SLC2A6: variants seen among roughly 807,000 people sequenced by gnomAD.
SLC2A6 encodes solute carrier family 2, facilitated glucose transporter member 6.
SLC2A6 carries 39 observed loss-of-function variants against 47.8 expected under a neutral mutation model. That is an observed-to-expected ratio of 0.82 (90% CI 0.63 to 1.07). The LOEUF (loss-of-function observed/expected upper bound fraction) is 1.07. Ranked by LOEUF, SLC2A6 falls within the 50% of genes least tolerant of loss-of-function variation. The probability of loss-of-function intolerance (pLI) is 0.00; values close to 1 mark genes in which losing one functional copy is unlikely to be tolerated. For missense variants in SLC2A6, 650 were observed against 707.6 expected (o/e 0.92, Z 0.92); for synonymous variants, 346 against 324.1 (o/e 1.07, Z -0.73).
At chr9:133,474,217 G>T in intron 6 of SLC2A6, 129 bp from the exon 7 acceptor site, 1 of 650,674 alleles carries the variant, frequency 1.5e-6, no homozygotes, top group South Asian at 2.1e-5. Context: ...GAGTGGCCTG[G>T]CACCTGCAGC....
Position 133,473,256 on chromosome 9 carries a change from CGGA to C in SLC2A6, c.1223-9_1223-7del. ...ACCCCAGCCCACGGCGTAGCCTGCT[CGGA>C]GGAGGAGGCAGGTTCAGGCCCTGTG... is the stretch of plus-strand genomic sequence containing the variant. On this transcript the variant is annotated splice_region_variant and splice_polypyrimidine_tract_variant and intron_variant, in intron 8 of 9. Transcript: ENST00000371899. 6.4e-7 allele frequency: 1 copy of C among 1,566,760 alleles called. No homozygotes were observed. The highest frequency in any genetic ancestry group is 8.6e-7 in the Non-Finnish European group (1 of 1,156,486).
At chr9:133,478,156 ACCC>A (rs769359296) in intron 2 of SLC2A6, 95 bp downstream of exon 2, 16 of 1,340,736 alleles carry the variant, frequency 1.2e-5, no homozygotes, top group Non-Finnish European at 1.7e-5. Flanking sequence ...CCCTGGAGGG[ACCC>A]CCAAGGTGGA....
chr9:133,473,210 C>T lies in SLC2A6; in HGVS notation c.1263G>A (p.Met421Ile), dbSNP rs1843799918. Reference sequence around the variant, plus strand: ...GGGCACGCAGGGGCAGGACCTCAGACATGAGCAGCCAGGTGATGGGACCCC... The same window carrying T: ...GGGCACGCAGGGGCAGGACCTCAGATATGAGCAGCCAGGTGATGGGACCCC... ...VGWGPITWLLMSEVLPLRARG... is the reference protein window; with the variant it reads ...VGWGPITWLLISEVLPLRARG... Residue 421 changes from methionine (M) to isoleucine (I), a missense_variant, in exon 9 of 10, where the codon ATG (methionine) becomes ATA (isoleucine). Met to Ile is a conservative substitution (Grantham distance 10, BLOSUM62 1). Coordinates refer to ENST00000371899, the MANE Select transcript of SLC2A6 (RefSeq NM_017585.4). 3.8e-6 allele frequency: 6 copies of T among 1,598,698 alleles called. No individual in the cohort carries two copies. Among genetic ancestry groups the T allele is most frequent in the Non-Finnish European group, 4.3e-6 (5 of 1,173,672 alleles).
At position 133,473,453 on chromosome 9, in the gene SLC2A6, G is replaced by A. The variant is rs1482459126; in HGVS notation, c.1184C>T (p.Thr395Ile). 6.2e-7 allele frequency: 1 copy of A among 1,606,080 alleles called. No homozygotes were observed. The highest frequency in any genetic ancestry group is 1.3e-5 in the African/African-American group (1 of 74,824). The change falls in exon 8 of 10, where the codon ACC becomes ATC. Residue 395 changes from threonine to isoleucine, a missense_variant. By Grantham distance (89) the Thr-to-Ile change is moderately conservative. Coordinates refer to ENST00000371899, the MANE Select transcript of SLC2A6 (RefSeq NM_017585.4). ...CATGGTGGCCAGCAGGGGCACCAGG[G>A]TGAGGTAGCCAGCGGGTGCTGCCAG... ...QPLAAPAGYL[T>I]LVPLLATMLF...
chr9:133,476,102 GC>G, intron 4 of SLC2A6, 134 bp downstream of exon 4: 1 of 700,426 alleles, frequency 1.4e-6, no homozygotes, highest in Non-Finnish European at 2.4e-6. Context: ...ACTGAGTGGG[GC>G]CGGGATGCCA....
At chr9:133,474,935 G>T in intron 6 of SLC2A6, 26 bp downstream of exon 6, 1 of 1,487,076 alleles carries the variant, frequency 6.7e-7, no homozygotes, top group Non-Finnish European at 9.0e-7. Flanking sequence ...CCCGTGGGTG[G>T]GCGCCGGCCG....
chr9:133,475,119 A>G lies in SLC2A6; in HGVS notation c.775-6T>C. On this transcript the variant is annotated splice_polypyrimidine_tract_variant and splice_region_variant and intron_variant, in intron 5 of 9. Coordinates refer to ENST00000371899, the MANE Select transcript of SLC2A6 (RefSeq NM_017585.4). ...GCCCACGATACTCGGCTGCTCTGAAACACAAGGCCGCCGCTGAGGGCGTTG... is the reference window on the plus strand; with the variant it reads ...GCCCACGATACTCGGCTGCTCTGAAGCACAAGGCCGCCGCTGAGGGCGTTG... 1 of 1,540,580 alleles carries G rather than the reference A, an allele frequency of 6.5e-7. No individual in the cohort carries two copies. The highest frequency in any genetic ancestry group is 8.7e-7 in the Non-Finnish European group (1 of 1,144,642).
chr9:133,476,384 C>G (rs1554803391), intron 3 of SLC2A6, 48 bp from the exon 4 acceptor site: 1 of 1,537,480 alleles, frequency 6.5e-7, no homozygotes, highest in East Asian at 2.3e-5. Flanking sequence ...ATACTGGTTC[C>G]TAGGCCCGGC....
At chr9:133,476,110 G>A in intron 4 of SLC2A6, 127 bp downstream of exon 4, 1 of 742,728 alleles carries the variant, frequency 1.3e-6, no homozygotes, top group Non-Finnish European at 2.2e-6. Flanking sequence ...GGGCCGGGAT[G>A]CCAGATCTCT....
intron 2 of SLC2A6, among the ~76,000 whole-genome samples, chr9:133,478,013 C>A (rs1056256994): frequency 2.0e-5 from 3 of 152,136 alleles, no homozygotes; most frequent in Admixed American, 6.5e-5. Context: ...CTAGTATAGA[C>A]CCTGACAGCC....
rs782059600 is a variant in SLC2A6, at chr9:133,478,995, G to A, written c.65C>T (p.Pro22Leu). Reference sequence around the variant, plus strand: ...GACCCGCGCCCTGTCCCCTGGCGACGGGGGCGGCTTCTCGGGGAAGGTGTC... The same window carrying A: ...GACCCGCGCCCTGTCCCCTGGCGACAGGGGCGGCTTCTCGGGGAAGGTGTC... ...DYDTFPEKPP[P>L]SPGDRARVGT... The change falls in exon 1 of 10, where the codon CCG (proline) becomes CTG (leucine). Residue 22 changes from proline (P) to leucine (L), a missense_variant. Physicochemically the swap from Pro to Leu is moderately conservative, Grantham distance 98. Coordinates refer to ENST00000371899, the MANE Select transcript of SLC2A6 (RefSeq NM_017585.4). 6.3e-7 allele frequency: 1 copy of A among 1,596,068 alleles called. No individual in the cohort carries two copies. The highest frequency in any genetic ancestry group is 1.1e-5 in the South Asian group (1 of 89,524).
chr9:133,478,872 G>T, intron 1 of SLC2A6, 96 bp downstream of exon 1: 1 of 1,139,470 alleles, frequency 8.8e-7, no homozygotes, highest in Non-Finnish European at 1.2e-6. Flanking sequence ...TGGCGACTAG[G>T]TCAGGGGAGG....
chr9:133,477,381 G>C (rs1186053026), intron 2 of SLC2A6, 140 bp from the exon 3 acceptor site: 6 of 759,446 alleles, frequency 7.9e-6, no homozygotes, highest in Non-Finnish European at 1.3e-5. Context: ...TTGAAACAGG[G>C]AGCCTCCTGT....
chr9:133,475,867 G>A (rs1843926611), intron 4 of SLC2A6, among the ~76,000 whole-genome samples: 1 of 152,250 alleles, frequency 6.6e-6, no homozygotes, highest in Admixed American at 6.5e-5. Flanking sequence ...AAGGCCCTAG[G>A]CCTCCACCCA....
At chr9:133,476,488 C>A in intron 3 of SLC2A6, 152 bp from the exon 4 acceptor site, 1 of 653,314 alleles carries the variant, frequency 1.5e-6, no homozygotes, top group South Asian at 1.8e-5. Context: ...ACTGCAAGAC[C>A]TTGGGCGGCC....
intron 5 of SLC2A6, 117 bp from the exon 6 acceptor site, chr9:133,475,230 A>G (rs1843896556): frequency 7.2e-7 from 1 of 1,397,498 alleles, no homozygotes; most frequent in Non-Finnish European, 9.4e-7. Context: ...CCAGGAAAGA[A>G]CCAGCTTACC....
intron 4 of SLC2A6, 53 bp downstream of exon 4, chr9:133,476,184 C>A: frequency 7.1e-7 from 1 of 1,403,432 alleles, no homozygotes; most frequent in Non-Finnish European, 1.0e-6. Flanking sequence ...TCTACCTTGG[C>A]GGCACCCACC....
rs947132238 is a variant in SLC2A6, at chr9:133,474,045, A to G, written c.971T>C (p.Leu324Pro). The G allele has an allele frequency of 6.0e-5, 96 of 1,610,382 alleles. No individual in the cohort carries two copies. The highest frequency in any genetic ancestry group is 8.1e-5 in the Non-Finnish European group (95 of 1,179,008). ...DAAIVGAVRL[L>P]SVLIAALTMD... ...GGTGAGGGCGGCGATCAGCACGGAC[A>G]GGAGCCGCACGGCCCCAACGATGGC... The change falls in exon 7 of 10, where the codon CTG becomes CCG. Residue 324 changes from leucine (L) to proline (P), a missense_variant. By Grantham distance (98) the Leu-to-Pro change is moderately conservative. Transcript: ENST00000371899.
At chr9:133,475,733 G>A (rs921965989) in intron 4 of SLC2A6, 122 bp from the exon 5 acceptor site, 1 of 904,818 alleles carries the variant, frequency 1.1e-6, no homozygotes, top group Non-Finnish European at 1.6e-6. Flanking sequence ...CCTACAGGAA[G>A]CCTACCCTGA....
Sources: gnomAD v4.1 joint callset for allele counts (sites outside exome capture counted in the v4.1 genomes callset) on GRCh38, gnomAD v4.1.1 for gene constraint, MANE v1.5 for transcripts, NCBI Gene and HGNC (gene_info 2026-07-23, HGNC 2026-07-21) for gene names.